PPIE: variants seen among roughly 807,000 people sequenced by gnomAD.
PPIE encodes the protein peptidylprolyl isomerase E.
Under a neutral mutation model 38.4 loss-of-function variants are expected in PPIE, and 20 were observed. The observed-to-expected ratio is 0.52, with a 90% CI of 0.37 to 0.76. The LOEUF (loss-of-function observed/expected upper bound fraction) is 0.76. Among genes scored for constraint, PPIE ranks in the 30% least tolerant of loss-of-function variants. The pLI is 0.00. For missense variants in PPIE, 322 were observed against 385.8 expected, an observed-to-expected ratio of 0.83 and a Z score of 1.39; for synonymous variants, 142 against 135.7, an observed-to-expected ratio of 1.05 and a Z score of -0.32.
chr1:39,753,523 C>G lies in PPIE; in HGVS notation c.*168C>G. On this transcript the variant is annotated 3_prime_UTR_variant, in exon 10 of 10. Transcript: ENST00000324379. ...GGAGCAGCTCCTCTGCAGGCACAGC[C>G]TGGACTATTCCCAGGCACAGCTGTG... is the stretch of plus-strand genomic sequence containing the variant. The G allele has an allele frequency of 7.0e-7, 1 of 1,423,002 alleles. No individual in the cohort carries two copies. Among genetic ancestry groups the G allele is most frequent in the Middle Eastern group, 2.6e-4 (1 of 3,918 alleles). The allele number at this position is 1,423,002 out of a possible 1,614,324, so 88.1% of individuals were successfully genotyped here.
In PPIE at chr1:39,753,391, C is replaced by A; in HGVS notation, c.*36C>A. The A allele has an allele frequency of 6.2e-7, 1 of 1,605,502 alleles. No individual in the cohort carries two copies. ...TCTCTGCTTCCCCCTCCGCTCTTGA[C>A]CCTGCATATCCAGGAAGGAACTGCC... is the stretch of plus-strand genomic sequence containing the variant. On this transcript the variant is annotated 3_prime_UTR_variant, in exon 10 of 10. Coordinates refer to ENST00000324379, the MANE Select transcript of PPIE (RefSeq NM_006112.4).
intron 4 of PPIE, chr1:39,742,434 T>C (rs1422815687): frequency 6.6e-6 from 1 of 152,284 alleles, no homozygotes; most frequent in East Asian, 1.9e-4. Context: ...TACCATACTG[T>C]TGATAGAATT....
intron 7 of PPIE, chr1:39,747,273 A>G (rs1206153160): frequency 6.6e-6 from 1 of 152,160 alleles, no homozygotes; most frequent in East Asian, 1.9e-4. Context: ...ACATGTAAGT[A>G]TATGTTTAAA....
intron 5 of PPIE, 39 bp from the exon 6 acceptor site, chr1:39,743,785 A>T: frequency 3.9e-6 from 6 of 1,527,496 alleles, no homozygotes; most frequent in Non-Finnish European, 4.5e-6. Context: ...GTTCAAGCTG[A>T]CAGCTTGAAT....
chr1:39,740,216 C>T lies in PPIE; in HGVS notation c.83C>T (p.Pro28Leu), dbSNP rs1430128365. 2 of 1,614,152 alleles carry T rather than the reference C, an allele frequency of 1.2e-6. No individual in the cohort carries two copies. The highest frequency in any genetic ancestry group is 1.7e-6 in the Non-Finnish European group (2 of 1,180,012). The stretch of plus-strand genomic sequence containing the variant: ...AAAGTTCTTCATGCTGCGTTCATTC[C>T]TTTTGGAGACATCACAGATATTCAG... ...DDKVLHAAFI[P>L]FGDITDIQIP... The change falls in exon 2 of 10, where the codon CCT becomes CTT. Residue 28 changes from proline to leucine, a missense_variant. By Grantham distance (98) the Pro-to-Leu change is moderately conservative. Transcript: ENST00000324379.
chr1:39,763,649 A>G, intron 9 of PPIE: 1 of 1,542,782 alleles, frequency 6.5e-7, no homozygotes, highest in East Asian at 2.3e-5. Flanking sequence ...TCCTCCCTGC[A>G]GATTCACTTC....
chr1:39,760,495 A>G (rs111815932), downstream of PPIE: 1 of 1,614,138 alleles, frequency 6.2e-7, no homozygotes, highest in Admixed American at 1.7e-5. Flanking sequence ...GTCATAGTAG[A>G]GCACAGAGGT....
At position 39,756,607 on chromosome 1, in the gene PPIE, G is replaced by C; in HGVS notation, c.*3252G>C. ...TTTTTATTGTTGAAAATGGAGTCTT[G>C]TAGAGTTCAGTGATGGGAAACTAAA... On this transcript the variant is annotated 3_prime_UTR_variant, in exon 10 of 10. Transcript: ENST00000324379. The C allele has an allele frequency of 4.1e-6, 4 of 985,402 alleles. No individual in the cohort carries two copies. Among genetic ancestry groups the C allele is most frequent in the Non-Finnish European group, 4.8e-6 (4 of 829,916 alleles). The allele number at this position is 985,402 out of a possible 1,614,324, so 61.0% of individuals were successfully genotyped here.
chr1:39,746,180 C>G (rs1647198521), intron 7 of PPIE: 1 of 152,208 alleles, frequency 6.6e-6, no homozygotes, highest in South Asian at 2.1e-4. Flanking sequence ...ATCCCCTTCC[C>G]TGCCCCCTCA....
At chr1:39,744,822 C>T (rs1292964245) in intron 6 of PPIE, among the ~76,000 whole-genome samples, 1 of 152,218 alleles carries the variant, frequency 6.6e-6, no homozygotes, top group Non-Finnish European at 1.5e-5. Flanking sequence ...ATCCTGTATC[C>T]TCTGCTTAGT....
chr1:39,761,232 C>A (rs2124414602), downstream of PPIE: 1 of 152,810 alleles, frequency 6.5e-6, no homozygotes, highest in Admixed American at 6.5e-5. Flanking sequence ...TTCCTCCCGC[C>A]CTGACATCAT....
chr1:39,748,681 A>C, intron 7 of PPIE: 1 of 512,440 alleles, frequency 2.0e-6, no homozygotes. Context: ...GTTGCAGTGA[A>C]CTGAGATTGT....
chr1:39,747,836 G>A (rs1468938133), intron 7 of PPIE: 1 of 152,130 alleles, frequency 6.6e-6, no homozygotes, highest in African/African-American at 2.4e-5. Context: ...ACTGACTAAT[G>A]ATGTTGAACA....
rs1167639085 is a variant in PPIE, at chr1:39,754,772, C to T, written c.*1417C>T. 3.3e-5 allele frequency among the ~76,000 whole-genome samples: 5 copies of T among 152,110 alleles called. No individual in the cohort carries two copies. Among genetic ancestry groups the T allele is most frequent in the Non-Finnish European group, 7.4e-5 (5 of 68,024 alleles). ...ACTCAGAAGGCTGAGGTGGGAGGAT[C>T]GCTTGAACCTGGGAGGTTGAGGCTG... On this transcript the variant is annotated 3_prime_UTR_variant, in exon 10 of 10. Coordinates refer to ENST00000324379, the MANE Select transcript of PPIE (RefSeq NM_006112.4).
rs2274949 is a variant in PPIE at position 39,755,395 on chromosome 1, G to A, written c.*2040G>A. 354,888 of 985,242 alleles carry A rather than the reference G, an allele frequency of 0.36. 64,980 individuals are homozygous for A. Among genetic ancestry groups the A allele is most frequent in the South Asian group, 0.4 (8,586 of 21,280 alleles). 61.0% of individuals were successfully genotyped at this position (985,242 alleles called of 1,614,324 possible). A position where few individuals can be genotyped will look rare whatever the true frequency, so the allele number is the denominator to read the frequency against. ...TGCCGACTGGACTTTGTGAGCTCCAGCTGCTACAGTTGACTGAGTTCAGGC... is the reference window on the plus strand; with the variant it reads ...TGCCGACTGGACTTTGTGAGCTCCAACTGCTACAGTTGACTGAGTTCAGGC... On this transcript the variant is annotated 3_prime_UTR_variant, in exon 10 of 10. Transcript: ENST00000324379.
Position 39,755,373 on chromosome 1 carries a change from C to T in PPIE, c.*2018C>T, listed in dbSNP as rs11801463. On this transcript the variant is annotated 3_prime_UTR_variant, in exon 10 of 10. Coordinates refer to ENST00000324379, the MANE Select transcript of PPIE (RefSeq NM_006112.4). ...TGCCCTACCTCTGGCTCCCATGTGC[C>T]GACTGGACTTTGTGAGCTCCAGCTG... The T allele has an allele frequency of 5.7e-4, 564 of 985,432 alleles. 1 individual carries two copies. The African/African-American group carries it at 8.9e-3, about 15-fold the overall frequency. 61.0% of individuals were successfully genotyped at this position (985,432 alleles called of 1,614,324 possible).
At position 39,745,402 on chromosome 1, in the gene PPIE, T is replaced by C. The variant is rs764384693; in HGVS notation, c.412T>C (p.Ser138Pro). ...EGEPIAKKAR[S>P]NPQVYMDIKI... ...AGAGCCCATTGCTAAAAAGGCCCGCTCAAATCCTCAGGTGTACATGGACAT... is the reference window on the plus strand; with the variant it reads ...AGAGCCCATTGCTAAAAAGGCCCGCCCAAATCCTCAGGTGTACATGGACAT... The change falls in exon 7 of 10, where the codon TCA (serine) becomes CCA (proline). Residue 138 changes from serine (S) to proline (P), a missense_variant. Ser to Pro is a moderately conservative substitution (Grantham distance 74). Transcript: ENST00000324379. The C allele has an allele frequency of 3.1e-6, 5 of 1,614,096 alleles. No homozygotes were observed. The highest frequency in any genetic ancestry group is 4.2e-6 in the Non-Finnish European group (5 of 1,180,052).
At chr1:39,743,064 A>G in intron 4 of PPIE, 152 bp from the exon 5 acceptor site, 1 of 610,974 alleles carries the variant, frequency 1.6e-6, no homozygotes, top group South Asian at 2.1e-5. Context: ...TGAAACCCAC[A>G]GGTGGCTTTG....
chr1:39,746,187 C>T (rs940564529), intron 7 of PPIE: 1 of 152,238 alleles, frequency 6.6e-6, no homozygotes, highest in East Asian at 1.9e-4. Context: ...TCCCTGCCCC[C>T]TCATCTTCCC....
Sources: allele counts gnomAD v4.1 joint callset (sites outside exome capture counted in the v4.1 genomes callset), GRCh38; gene constraint gnomAD v4.1.1; transcripts MANE v1.5; gene names NCBI Gene and HGNC (gene_info 2026-07-23, HGNC 2026-07-21).